Variants in ADAMTSL1 observed in about 807,000 individuals in gnomAD.
ADAMTSL1 encodes the protein ADAMTS-like protein 1.
In ADAMTSL1, 126 loss-of-function variants were observed where a neutral mutation model predicts 201.8. The observed-to-expected ratio is 0.62, with a 90% CI of 0.54 to 0.72. The LOEUF (loss-of-function observed/expected upper bound fraction) is 0.72. Ranked by LOEUF, ADAMTSL1 falls within the 30% of genes least tolerant of loss-of-function variation. The pLI, the probability that ADAMTSL1 is intolerant of heterozygous loss-of-function variation, is 0.00. For synonymous variants in ADAMTSL1, 1,121 were observed against 903.4 expected (o/e 1.24, Z -4.32); for missense variants, 2,679 against 2,277.8 (o/e 1.18, Z -3.59).
intron 4 of ADAMTSL1, among the ~76,000 whole-genome samples, chr9:18,592,530 C>G (rs1489059344): frequency 7.2e-5 from 11 of 152,082 alleles, no homozygotes. Context: ...TGGTTGTTGT[C>G]AACTTTCGAT....
chr9:18,674,486 C>G (rs1045320676), intron 9 of ADAMTSL1, among the ~76,000 whole-genome samples: 7 of 152,064 alleles, frequency 4.6e-5, no homozygotes, highest in African/African-American at 1.4e-4. Context: ...TCCTTCTTAC[C>G]TTTCATCATC....
At chr9:18,592,280 T>C (rs910459000) in intron 4 of ADAMTSL1, among the ~76,000 whole-genome samples, 5 of 152,156 alleles carry the variant, frequency 3.3e-5, no homozygotes, top group African/African-American at 1.2e-4. Context: ...AAATCCATTT[T>C]TCATCACACA....
chr9:18,818,441 T>A (rs1824001231), intron 21 of ADAMTSL1, among the ~76,000 whole-genome samples: 2 of 152,216 alleles, frequency 1.3e-5, no homozygotes. Flanking sequence ...TAGGGCTTAC[T>A]GTTTCCGAAT....
intron 13 of ADAMTSL1, among the ~76,000 whole-genome samples, chr9:18,704,159 C>T (rs1832095081): frequency 6.6e-6 from 1 of 152,156 alleles, no homozygotes; most frequent in Non-Finnish European, 1.5e-5. Context: ...CATCCCATCA[C>T]ACCCTTTTTA....
At position 18,450,243 on chromosome 9, in the gene ADAMTSL1, G is replaced by A. The variant is rs1302948781; in HGVS notation, c.208-54586G>A. Among the ~76,000 whole-genome samples, 5 of 152,230 alleles carry A rather than the reference G, an allele frequency of 3.3e-5. No individual in the cohort carries two copies. In the South Asian group the frequency reaches 6.2e-4, roughly 19 times the overall value. ...AAGACACAAGGGAATTTCATGGAGC[G>A]ATGGAAATATTCTATATCTTGATTG... is the stretch of plus-strand genomic sequence containing the variant. On this transcript the variant is annotated intron_variant, in intron 2 of 29. Coordinates refer to the ADAMTSL1 transcript ENST00000680146.
intron 1 of ADAMTSL1, among the ~76,000 whole-genome samples, chr9:18,026,584 A>C (rs959675727): frequency 6.6e-6 from 1 of 151,988 alleles, no homozygotes; most frequent in Non-Finnish European, 1.5e-5. Context: ...TTAACTTTTG[A>C]TGTGCTGCTG....
In ADAMTSL1 at chr9:18,777,686, G is replaced by A. The variant is rs1821142219; in HGVS notation, c.3457G>A (p.Ala1153Thr). ...SSLRTSSTGD[A>T]GGGSRRPHRK... ...CCTGCGGACCTCCTCCACCGGGGAC[G>A]CCGGGGGAGGCTCTCGAAGGCCACA... The change falls in exon 19 of 29, where the codon GCC becomes ACC. Residue 1153 changes from alanine (A) to threonine (T), a missense_variant. Coordinates refer to ENST00000380548, the MANE Select transcript of ADAMTSL1 (RefSeq NM_001040272.6). 6.2e-7 allele frequency: 1 copy of A among 1,613,278 alleles called. No homozygotes were observed. Among genetic ancestry groups the A allele is most frequent in the Non-Finnish European group, 8.5e-7 (1 of 1,179,692 alleles).
intron 7 of ADAMTSL1, among the ~76,000 whole-genome samples, chr9:18,645,475 C>T: frequency 6.6e-6 from 1 of 150,836 alleles, no homozygotes; most frequent in Non-Finnish European, 1.5e-5. Flanking sequence ...TGCCTATGTC[C>T]TGAATGGTAA....
At chr9:18,319,574 A>G (rs897046246) in intron 2 of ADAMTSL1, among the ~76,000 whole-genome samples, 2 of 152,184 alleles carry the variant, frequency 1.3e-5, no homozygotes, top group Admixed American at 6.5e-5. Flanking sequence ...AAATCTGAAG[A>G]CTATGGGGAG....
At chr9:18,418,646 G>T (rs1818800787) in intron 2 of ADAMTSL1, among the ~76,000 whole-genome samples, 1 of 152,136 alleles carries the variant, frequency 6.6e-6, no homozygotes, top group South Asian at 2.1e-4. Context: ...AATATGTATG[G>T]GATCTGCATG....
At chr9:18,461,181 A>G (rs1017301991) in intron 2 of ADAMTSL1, among the ~76,000 whole-genome samples, 5 of 152,210 alleles carry the variant, frequency 3.3e-5, no homozygotes, top group Non-Finnish European at 7.3e-5. Flanking sequence ...AGTAAGTATT[A>G]GTTTTTACAG....
intron 23 of ADAMTSL1, among the ~76,000 whole-genome samples, chr9:18,848,554 C>G (rs1379876762): frequency 6.6e-6 from 1 of 152,076 alleles, no homozygotes; most frequent in East Asian, 1.9e-4. Flanking sequence ...CCTGGAATAC[C>G]CTCCCCTACC....
chr9:18,399,318 T>TATACATATAC lies in ADAMTSL1; in HGVS notation c.208-105508_208-105507insCATATACATA, dbSNP rs1554672312. ...ATATATATATATATATATATATATATATATATATATAAAATTATTATTTTC... is the reference window on the plus strand; with the variant it reads ...ATATATATATATATATATATATATATATACATATACATATATATATAAAATTATTATTTTC... On this transcript the variant is annotated intron_variant, in intron 2 of 29. Transcript: ENST00000680146. 1.2e-4 allele frequency among the ~76,000 whole-genome samples: 12 copies of TATACATATAC among 100,766 alleles called. 1 individual carries two copies. The highest frequency in any genetic ancestry group is 7.6e-4 in the South Asian group (2 of 2,648). The allele number at this position is 100,766 out of a possible 152,430, so 66.1% of individuals were successfully genotyped here.
chr9:18,520,891 G>GAAAAAAAA, intron 2 of ADAMTSL1, among the ~76,000 whole-genome samples: 1 of 152,334 alleles, frequency 6.6e-6, no homozygotes, highest in East Asian at 1.9e-4. Context: ...AAAGGCAGTG[G>GAAAAAAAA]AAAACTGCTT....
intron 1 of ADAMTSL1, among the ~76,000 whole-genome samples, chr9:18,101,530 A>T (rs1224734032): frequency 1.3e-5 from 2 of 152,060 alleles, no homozygotes; most frequent in African/African-American, 2.4e-5. Flanking sequence ...AGAAAAAGAA[A>T]ATGGATTATG....
At chr9:18,873,278 G>A (rs1186258259) in intron 23 of ADAMTSL1, among the ~76,000 whole-genome samples, 1 of 152,100 alleles carries the variant, frequency 6.6e-6, no homozygotes, top group African/African-American at 2.4e-5. Context: ...TATTTCCTTT[G>A]CTGTTGAGAA....
chr9:18,810,124 T>G (rs758312040), intron 20 of ADAMTSL1, among the ~76,000 whole-genome samples: 5 of 152,220 alleles, frequency 3.3e-5, no homozygotes, highest in Non-Finnish European at 5.9e-5. Context: ...TCATTCCAAC[T>G]GCTTCCTCCC....
In ADAMTSL1 at chr9:18,142,548, G is replaced by A. The variant is rs533221410; in HGVS notation, c.88-21314G>A. 4.6e-5 allele frequency among the ~76,000 whole-genome samples: 7 copies of A among 152,274 alleles called. No homozygotes were observed. In the South Asian group the frequency reaches 8.3e-4, roughly 18 times the overall value. Reference sequence around the variant, plus strand: ...CAGTGGGGACTTGGAAAAGTATTTGGAGACTTGGAACAACTTATGAAGCAG... The same window carrying A: ...CAGTGGGGACTTGGAAAAGTATTTGAAGACTTGGAACAACTTATGAAGCAG... On this transcript the variant is annotated intron_variant, in intron 1 of 29. Coordinates refer to the ADAMTSL1 transcript ENST00000680146.
chr9:18,723,038 G>A (rs1262877268), intron 15 of ADAMTSL1: 8 of 779,774 alleles, frequency 1.0e-5, no homozygotes, highest in Admixed American at 8.5e-5. Flanking sequence ...GACTCAGCAT[G>A]GAACGCCTGC....
Sources: gnomAD v4.1 joint callset for allele counts (sites outside exome capture counted in the v4.1 genomes callset) on GRCh38, gnomAD v4.1.1 for gene constraint, MANE v1.5 for transcripts, NCBI Gene and HGNC (gene_info 2026-07-23, HGNC 2026-07-21) for gene names.